The following ST6GALNAC3 variants were observed in gnomAD, a reference collection of about 807,000 sequenced individuals.
ST6GALNAC3 encodes the protein alpha-N-acetylgalactosaminide alpha-2,6-sialyltransferase 3.
Under a neutral mutation model 32.7 loss-of-function variants are expected in ST6GALNAC3, and 25 were observed. The ratio of observed to expected loss-of-function variants is 0.76; its 90% CI spans 0.56 to 1.07. The LOEUF is 1.07. ST6GALNAC3 is among the 50% of genes least tolerant of loss of function. The probability of loss-of-function intolerance (pLI) is 0.00; values close to 1 mark genes in which losing one functional copy is unlikely to be tolerated. For missense variants in ST6GALNAC3, 355 were observed against 382.4 expected (o/e 0.93, Z 0.60); for synonymous variants, 129 against 133.1 (o/e 0.97, Z 0.21).
chr1:76,580,488 G>A (rs975948070), intron 3 of ST6GALNAC3, among the ~76,000 whole-genome samples: 1 of 152,126 alleles, frequency 6.6e-6, no homozygotes, highest in Non-Finnish European at 1.5e-5. Context: ...AAAAGTGCCA[G>A]AACACATTAG....
intron 3 of ST6GALNAC3, among the ~76,000 whole-genome samples, chr1:76,592,364 A>G (rs942037385): frequency 3.3e-5 from 5 of 152,192 alleles, no homozygotes; most frequent in African/African-American, 1.2e-4. Flanking sequence ...GGTGATGAAG[A>G]AATGTTTCTG....
intron 1 of ST6GALNAC3, among the ~76,000 whole-genome samples, chr1:76,284,026 G>A (rs557409845): frequency 6.6e-6 from 1 of 152,284 alleles, no homozygotes; most frequent in African/African-American, 2.4e-5. Flanking sequence ...GTTGGGATTG[G>A]ATCAAACCAA....
chr1:76,206,148 C>T (rs754262479), intron 1 of ST6GALNAC3, among the ~76,000 whole-genome samples: 5 of 152,254 alleles, frequency 3.3e-5, no homozygotes, highest in East Asian at 1.9e-4. Context: ...GTCATGATTA[C>T]GTGCTTAAGT....
chr1:76,458,335 C>T lies in ST6GALNAC3; in HGVS notation c.623+45918C>T, dbSNP rs1051606724. 6.9e-5 allele frequency among the ~76,000 whole-genome samples: 5 copies of T among 72,072 alleles called. No individual in the cohort carries two copies. In the Admixed American group the frequency reaches 7.6e-4, roughly 11 times the overall value. 47.3% of individuals were successfully genotyped at this position (72,072 alleles called of 152,430 possible). On this transcript the variant is annotated intron_variant, in intron 3 of 4. Transcript: ENST00000328299. ...CGTGGAAGTCAGTGTGGCGATTCCT[C>T]AGGGATCTAGAACTAGAAATACCAT...
intron 2 of ST6GALNAC3, among the ~76,000 whole-genome samples, chr1:76,334,005 G>A (rs908132785): frequency 9.2e-5 from 14 of 152,154 alleles, no homozygotes; most frequent in African/African-American, 3.4e-4. Context: ...ATCTGAAGGT[G>A]TAACCATTAA....
At chr1:76,489,407 T>C (rs887104235) in intron 3 of ST6GALNAC3, among the ~76,000 whole-genome samples, 8 of 152,040 alleles carry the variant, frequency 5.3e-5, no homozygotes, top group Non-Finnish European at 1.2e-4. Flanking sequence ...TCTTCCACCA[T>C]CCCTTTAAAT....
chr1:76,590,349 C>T (rs1359402299), intron 3 of ST6GALNAC3, among the ~76,000 whole-genome samples: 2 of 152,190 alleles, frequency 1.3e-5, no homozygotes, highest in East Asian at 3.8e-4. Flanking sequence ...ATAAATTCTT[C>T]AATACCCAGT....
At chr1:76,611,530 A>G (rs1647931991) in intron 3 of ST6GALNAC3, among the ~76,000 whole-genome samples, 1 of 151,908 alleles carries the variant, frequency 6.6e-6, no homozygotes, top group Non-Finnish European at 1.5e-5. Context: ...GGTTCCCTCC[A>G]CTCTTCTCCA....
At chr1:76,289,733 A>G (rs1659970604) in intron 1 of ST6GALNAC3, among the ~76,000 whole-genome samples, 2 of 152,252 alleles carry the variant, frequency 1.3e-5, no homozygotes, top group Non-Finnish European at 2.9e-5. Context: ...CCCGTAACCA[A>G]TAGAGGGTTT....
chr1:76,198,751 T>C (rs563930555), intron 1 of ST6GALNAC3, among the ~76,000 whole-genome samples: 6 of 152,296 alleles, frequency 3.9e-5, no homozygotes, highest in African/African-American at 1.4e-4. Context: ...GCTGGTATTT[T>C]AGATATGTCG....
rs183246405 is a variant in ST6GALNAC3 at position 76,622,490 on chromosome 1, C to T, written c.624-4962C>T. On this transcript the variant is annotated intron_variant, in intron 3 of 4. Transcript: ENST00000328299. ...GAATCTGGCTGTTTAGGGTCAAGGA[C>T]GCCCTCAGAGCAATCACCCTAAGGC... Among the ~76,000 whole-genome samples, 24 of 151,962 alleles carry T rather than the reference C, an allele frequency of 1.6e-4. No individual in the cohort carries two copies. In the East Asian group the frequency reaches 1.7e-3, roughly 11 times the overall value.
chr1:76,301,438 A>C (rs1194801522), intron 1 of ST6GALNAC3, among the ~76,000 whole-genome samples: 1 of 152,048 alleles, frequency 6.6e-6, no homozygotes, highest in East Asian at 1.9e-4. Context: ...CCTGCCTAAT[A>C]GTGGAGATGT....
chr1:76,486,419 G>A (rs1346533410), intron 3 of ST6GALNAC3, among the ~76,000 whole-genome samples: 1 of 152,162 alleles, frequency 6.6e-6, no homozygotes, highest in Non-Finnish European at 1.5e-5. Context: ...TGTATTGGGT[G>A]CATATATATT....
intron 1 of ST6GALNAC3, among the ~76,000 whole-genome samples, chr1:76,274,678 T>C (rs1659035100): frequency 6.6e-6 from 1 of 152,356 alleles, no homozygotes; most frequent in African/African-American, 2.4e-5. Flanking sequence ...GTCCTCTTTG[T>C]CTGATTTCTA....
At chr1:76,298,113 G>A (rs1427807030) in intron 1 of ST6GALNAC3, among the ~76,000 whole-genome samples, 1 of 151,990 alleles carries the variant, frequency 6.6e-6, no homozygotes, top group East Asian at 1.9e-4. Context: ...TCAGAGGTCA[G>A]ATTATGAAGG....
chr1:76,349,092 T>A (rs1415625416), intron 2 of ST6GALNAC3, among the ~76,000 whole-genome samples: 1 of 152,140 alleles, frequency 6.6e-6, no homozygotes, highest in African/African-American at 2.4e-5. Context: ...GCCTTAATTT[T>A]AAAAAAATCA....
intron 3 of ST6GALNAC3, among the ~76,000 whole-genome samples, chr1:76,484,659 C>T (rs928734465): frequency 1.3e-5 from 2 of 152,196 alleles, no homozygotes; most frequent in South Asian, 2.1e-4. Flanking sequence ...ACAATCATGT[C>T]ATCTGCAAAC....
chr1:76,128,155 C>G (rs975806023), intron 1 of ST6GALNAC3, among the ~76,000 whole-genome samples: 3 of 152,120 alleles, frequency 2.0e-5, no homozygotes, highest in Non-Finnish European at 4.4e-5. Flanking sequence ...GGCTTGGAAT[C>G]CCCAAGGAGA....
chr1:76,599,329 G>A (rs770953103), intron 3 of ST6GALNAC3, among the ~76,000 whole-genome samples: 3 of 151,964 alleles, frequency 2.0e-5, no homozygotes, highest in Admixed American at 2.0e-4. Context: ...TATGCAGAAC[G>A]TGCAGGTTTG....
Sources: gnomAD v4.1 joint callset for allele counts (sites outside exome capture counted in the v4.1 genomes callset) on GRCh38, gnomAD v4.1.1 for gene constraint, MANE v1.5 for transcripts, NCBI Gene and HGNC (gene_info 2026-07-23, HGNC 2026-07-21) for gene names.